C19orf12: variants seen among roughly 807,000 people sequenced by gnomAD.
The protein encoded by C19orf12 is chromosome 19 open reading frame 12, also known as protein C19orf12.
A neutral mutation model predicts 3.8 loss-of-function variants in C19orf12; 2 were observed. The ratio of observed to expected loss-of-function variants is 0.53; its 90% CI spans 0.22 to 1.66. The LOEUF (loss-of-function observed/expected upper bound fraction) is 1.66. C19orf12 is among the 40% of genes most tolerant of loss of function. C19orf12 has a pLI of 0.20. For synonymous variants in C19orf12, 89 were observed against 84.6 expected, an observed-to-expected ratio of 1.05 and a Z score of -0.28; for missense variants, 156 against 188.8, an observed-to-expected ratio of 0.83 and a Z score of 1.02.
chr19:29,706,133 C>G (rs548885814), intron 2 of C19orf12, among the ~76,000 whole-genome samples: 36 of 152,172 alleles, frequency 2.4e-4, no homozygotes, highest in Non-Finnish European at 2.1e-4. Context: ...GAATGCCACA[C>G]GCAGACAGGG....
chr19:29,708,102 C>G (rs1972474190), intron 2 of C19orf12, 152 bp downstream of exon 2: 1 of 1,027,710 alleles, frequency 9.7e-7, no homozygotes, highest in Non-Finnish European at 1.5e-6. Context: ...TAGTCTCAAA[C>G]TCCTGACCTC....
rs1472103634 is a variant in C19orf12 at position 29,702,240 on chromosome 19, GCTGCTCCAAGGCCCTGAGACCCCAGGAC to G, written c.*444_*471del. On this transcript the variant is annotated 3_prime_UTR_variant, in exon 3 of 3. Coordinates refer to ENST00000323670, the MANE Select transcript of C19orf12 (RefSeq NM_031448.6). ...GGAGGTAAACATGATTCCAGCATGGGCTGCTCCAAGGCCCTGAGACCCCAGGACCTGCAGGGGGGTGGGATCCAGTCCT... is the reference window on the plus strand; with the variant it reads ...GGAGGTAAACATGATTCCAGCATGGGCTGCAGGGGGGTGGGATCCAGTCCT... The G allele has an allele frequency of 2.0e-5, 9 of 455,100 alleles. No individual in the cohort carries two copies. Among genetic ancestry groups the G allele is most frequent in the Non-Finnish European group, 3.1e-5 (7 of 227,612 alleles). 28.2% of individuals were successfully genotyped at this position (455,100 alleles called of 1,614,324 possible).
intron 1 of C19orf12, among the ~76,000 whole-genome samples, chr19:29,709,133 A>T (rs1972534453): frequency 6.6e-6 from 1 of 152,264 alleles, no homozygotes; most frequent in Non-Finnish European, 1.5e-5. Flanking sequence ...CCCATGGGAC[A>T]CTAAAAGCAG....
rs1314625978 is a variant in C19orf12 at position 29,702,013 on chromosome 19, A to G, written c.*699T>C. 4.4e-6 allele frequency: 2 copies of G among 453,226 alleles called. No individual in the cohort carries two copies. The highest frequency in any genetic ancestry group is 4.7e-5 in the Admixed American group (2 of 42,540). The allele number at this position is 453,226 out of a possible 1,614,324, so 28.1% of individuals were successfully genotyped here. ...GATATACCTGTACTTTTTACTAAAA[A>G]TATTTCATTTGAGAAGTAAACCTCA... On this transcript the variant is annotated 3_prime_UTR_variant, in exon 3 of 3. Transcript: ENST00000323670.
Position 29,708,422 on chromosome 19 carries a change from GCC to G in C19orf12, c.-10-1_-10del. 6.2e-7 allele frequency: 1 copy of G among 1,613,430 alleles called. No individual in the cohort carries two copies. The highest frequency in any genetic ancestry group is 8.5e-7 in the Non-Finnish European group (1 of 1,180,016). On this transcript the variant is annotated splice_acceptor_variant and 5_prime_UTR_variant, in exon 2 of 3. Coordinates refer to ENST00000323670, the MANE Select transcript of C19orf12 (RefSeq NM_031448.6). LOFTEE classifies it low-confidence loss of function (5UTR_SPLICE). ...TCCACCATGATAGTCATCGTGGCGGGCCTTCGAGGGAGAAGTTCAGAGGGACA... is the reference window on the plus strand; with the variant it reads ...TCCACCATGATAGTCATCGTGGCGGGTTCGAGGGAGAAGTTCAGAGGGACA...
At chr19:29,708,189 G>A in intron 2 of C19orf12, 65 bp downstream of exon 2, 3 of 1,594,116 alleles carry the variant, frequency 1.9e-6, no homozygotes, top group Middle Eastern at 2.2e-4. Flanking sequence ...CCTTCTCCCT[G>A]TGTTTCAACG....
intron 2 of C19orf12, chr19:29,705,173 G>C (rs1972307154): frequency 4.4e-6 from 1 of 227,312 alleles, no homozygotes; most frequent in Admixed American, 4.9e-5. Flanking sequence ...CAAGGGAGAG[G>C]GGCATGTCAC....
rs956534405 is a variant in C19orf12 at position 29,699,351 on chromosome 19, C to T, written c.*3361G>A. ...AATAAAAATTAGCCGGGCATGGTGGCGGGCGACTGTAGTCAAAGCTACTCG... is the reference window on the plus strand; with the variant it reads ...AATAAAAATTAGCCGGGCATGGTGGTGGGCGACTGTAGTCAAAGCTACTCG... On this transcript the variant is annotated 3_prime_UTR_variant, in exon 3 of 3. Transcript: ENST00000323670. 4 of 364,088 alleles carry T rather than the reference C, an allele frequency of 1.1e-5. No homozygotes were observed. Among genetic ancestry groups the T allele is most frequent in the African/African-American group, 6.5e-5 (3 of 46,468 alleles). The allele number at this position is 364,088 out of a possible 1,614,324, so 22.6% of individuals were successfully genotyped here.
At chr19:29,712,329 C>G (rs565632847) in intron 1 of C19orf12, among the ~76,000 whole-genome samples, 1 of 152,002 alleles carries the variant, frequency 6.6e-6, no homozygotes. Context: ...CCACTTGAAC[C>G]CGGGAGGTGG....
Position 29,702,762 on chromosome 19 carries a change from C to A in C19orf12, c.376G>T (p.Val126Leu). 6.2e-7 allele frequency: 1 copy of A among 1,613,916 alleles called. No homozygotes were observed. The highest frequency in any genetic ancestry group is 1.3e-5 in the African/African-American group (1 of 75,046). ...ALQQQLLAML[V>L]NYVTKELRAE... ...CGCAGCTCCTTGGTGACGTAGTTCACCAGCATGGCCAGCAGCTGCTGCTGC... is the reference window on the plus strand; with the variant it reads ...CGCAGCTCCTTGGTGACGTAGTTCAACAGCATGGCCAGCAGCTGCTGCTGC... Residue 126 changes from valine (V) to leucine (L), a missense_variant, in exon 3 of 3, where the codon GTG becomes TTG. Val to Leu is a conservative substitution (Grantham distance 32). Coordinates refer to ENST00000323670, the MANE Select transcript of C19orf12 (RefSeq NM_031448.6).
intron 1 of C19orf12, among the ~76,000 whole-genome samples, chr19:29,709,744 G>A (rs944266502): frequency 1.3e-5 from 2 of 151,810 alleles, no homozygotes; most frequent in Non-Finnish European, 2.9e-5. Context: ...TGCCCAGGCT[G>A]GTCTTGAACT....
rs1359270835 is a variant in C19orf12, at chr19:29,702,578, G to A, written c.*134C>T. On this transcript the variant is annotated 3_prime_UTR_variant, in exon 3 of 3. Transcript: ENST00000323670. ...TGCACAGCGGTGGCCTCTCCAGCGG[G>A]ACATTACTAGTAATACACTGATGAT... 1 of 1,217,826 alleles carries A rather than the reference G, an allele frequency of 8.2e-7. No homozygotes were observed. Among genetic ancestry groups the A allele is most frequent in the Non-Finnish European group, 1.2e-6 (1 of 825,228 alleles). The allele number at this position is 1,217,826 out of a possible 1,614,324, so 75.4% of individuals were successfully genotyped here.
chr19:29,705,027 T>G (rs1972298255), intron 2 of C19orf12, among the ~76,000 whole-genome samples: 1 of 152,218 alleles, frequency 6.6e-6, no homozygotes, highest in East Asian at 1.9e-4. Flanking sequence ...TGACTCACTT[T>G]CAACAGACAG....
At chr19:29,708,496 C>G (rs151297270) in intron 1 of C19orf12, 73 bp from the exon 2 acceptor site, 124 of 1,575,474 alleles carry the variant, frequency 7.9e-5, no homozygotes, top group African/African-American at 2.4e-4. Flanking sequence ...CACTCTAGTT[C>G]CTAGAGTTTT....
Position 29,702,900 on chromosome 19 carries a change from G to A in C19orf12, c.238C>T (p.Leu80=), listed in dbSNP as rs753364652. 1.4e-5 allele frequency: 23 copies of A among 1,614,220 alleles called. No homozygotes were observed. Among genetic ancestry groups the A allele is most frequent in the Admixed American group, 3.3e-5 (2 of 60,028 alleles). Residue 80 remains leucine (L), a synonymous_variant, in exon 3 of 3, where the codon CTG becomes TTG. Transcript: ENST00000323670. ...AGCCTCTGTTGCTCGGCAGGGGGCA[G>A]CTCCATTAGGATCTGAGGAACCGGC... The part of the protein sequence containing the change: ...FKPVPQILME[L]PPAEQQRLFN...
chr19:29,703,774 TGAGGTCAGGAGTTCGACACCA>T (rs1972237163), intron 2 of C19orf12, among the ~76,000 whole-genome samples: 1 of 152,070 alleles, frequency 6.6e-6, no homozygotes, highest in African/African-American at 2.4e-5. Flanking sequence ...GTGGATCACC[TGAGGTCAGGAGTTCGACACCA>T]GCCTGGCCGA....
In C19orf12 at chr19:29,702,184, G is replaced by A. The variant is rs754990479; in HGVS notation, c.*528C>T. 10 of 453,978 alleles carry A rather than the reference G, an allele frequency of 2.2e-5. No homozygotes were observed. Among genetic ancestry groups the A allele is most frequent in the Admixed American group, 9.4e-5 (4 of 42,552 alleles). 28.1% of individuals were successfully genotyped at this position (453,978 alleles called of 1,614,324 possible). ...GCCCGTCCCCTCCGTGGGGCCATTCGACAGTCCCTGGGTAGGGGACGGTTG... is the reference window on the plus strand; with the variant it reads ...GCCCGTCCCCTCCGTGGGGCCATTCAACAGTCCCTGGGTAGGGGACGGTTG... On this transcript the variant is annotated 3_prime_UTR_variant, in exon 3 of 3. Transcript: ENST00000323670.
At position 29,702,840 on chromosome 19, in the gene C19orf12, C is replaced by T. The variant is rs1019832099; in HGVS notation, c.298G>A (p.Glu100Lys). The change falls in exon 3 of 3, where the codon GAG (glutamate) becomes AAG (lysine). Residue 100 changes from glutamate (E) to lysine (K), a missense_variant. Coordinates refer to ENST00000323670, the MANE Select transcript of C19orf12 (RefSeq NM_031448.6). ...NEAAAIIRHL[E>K]WTDAVQLTAL... Reference sequence around the variant, plus strand: ...GTCAGCTGCACGGCGTCCGTCCACTCCAGGTGCCTGATGATGGCTGCGGCT... The same window carrying T: ...GTCAGCTGCACGGCGTCCGTCCACTTCAGGTGCCTGATGATGGCTGCGGCT... 1.9e-6 allele frequency: 3 copies of T among 1,614,178 alleles called. No homozygotes were observed. Among genetic ancestry groups the T allele is most frequent in the Non-Finnish European group, 2.5e-6 (3 of 1,180,016 alleles).
rs748897960 is a variant in C19orf12, at chr19:29,701,343, G to A, written c.*1369C>T. The A allele has an allele frequency of 2.0e-5, 9 of 454,068 alleles. No individual in the cohort carries two copies. Among genetic ancestry groups the A allele is most frequent in the African/African-American group, 6.0e-5 (3 of 50,104 alleles). The allele number at this position is 454,068 out of a possible 1,614,324, so 28.1% of individuals were successfully genotyped here. On this transcript the variant is annotated 3_prime_UTR_variant, in exon 3 of 3. Coordinates refer to ENST00000323670, the MANE Select transcript of C19orf12 (RefSeq NM_031448.6). ...AGTCCCTGATGGGCAATGGCATAGCGTTTGCACGTAACCTACGCACACCTT... is the reference window on the plus strand; with the variant it reads ...AGTCCCTGATGGGCAATGGCATAGCATTTGCACGTAACCTACGCACACCTT...
Sources: allele counts gnomAD v4.1 joint callset (sites outside exome capture counted in the v4.1 genomes callset), GRCh38; gene constraint gnomAD v4.1.1; transcripts MANE v1.5; gene names NCBI Gene and HGNC (gene_info 2026-07-23, HGNC 2026-07-21).